The following SNX24 variants were observed in gnomAD, a reference collection of about 807,000 sequenced individuals.
The protein encoded by SNX24 is sorting nexin 24, also known as sorting nexin-24.
SNX24 carries 22 observed loss-of-function variants against 28.7 expected under a neutral mutation model. The ratio of observed to expected loss-of-function variants is 0.77; its 90% CI spans 0.55 to 1.10. The LOEUF is 1.10. Ranked by LOEUF, SNX24 falls within the 50% of genes least tolerant of loss-of-function variation. SNX24 has a pLI of 0.00. For synonymous variants in SNX24, 69 were observed against 71.5 expected, an observed-to-expected ratio of 0.96 and a Z score of 0.18; for missense variants, 221 against 201.1, an observed-to-expected ratio of 1.10 and a Z score of -0.60.
At chr5:122,909,623 T>G (rs1474231912) in intron 1 of SNX24, among the ~76,000 whole-genome samples, 2 of 152,182 alleles carry the variant, frequency 1.3e-5, no homozygotes, top group African/African-American at 4.8e-5. Context: ...GTTAAATCCC[T>G]AGGGTGGTTC....
intron 1 of SNX24, among the ~76,000 whole-genome samples, chr5:122,914,676 A>G (rs1458522694): frequency 6.7e-6 from 1 of 150,280 alleles, no homozygotes; most frequent in East Asian, 1.9e-4. Flanking sequence ...TTTCTAGTTT[A>G]TTTGCGTAGA....
chr5:122,891,583 G>C (rs1218779981), intron 1 of SNX24, among the ~76,000 whole-genome samples: 1 of 152,024 alleles, frequency 6.6e-6, no homozygotes, highest in East Asian at 1.9e-4. Flanking sequence ...ATAGTTTTCA[G>C]TTGTTTCTTT....
chr5:122,898,283 T>G (rs1428856062), intron 1 of SNX24, among the ~76,000 whole-genome samples: 1 of 152,240 alleles, frequency 6.6e-6, no homozygotes, highest in Non-Finnish European at 1.5e-5. Flanking sequence ...ATACACGTAA[T>G]AAAAATGAAG....
intron 3 of SNX24, among the ~76,000 whole-genome samples, chr5:122,970,725 C>A (rs2150147079): frequency 6.6e-6 from 1 of 152,324 alleles, no homozygotes; most frequent in Non-Finnish European, 1.5e-5. Context: ...GTCTTGGCCT[C>A]CCAAAGTGCT....
chr5:122,962,514 C>G (rs1295732378), intron 3 of SNX24, among the ~76,000 whole-genome samples: 2 of 152,204 alleles, frequency 1.3e-5, no homozygotes, highest in Non-Finnish European at 2.9e-5. Flanking sequence ...ACAGTACACT[C>G]TCTTTTCTAG....
intron 3 of SNX24, among the ~76,000 whole-genome samples, chr5:122,961,656 A>G (rs955280563): frequency 2.0e-5 from 3 of 152,228 alleles, no homozygotes; most frequent in Admixed American, 2.0e-4. Context: ...AGTGTGCCAC[A>G]TATCTTTAAA....
At chr5:122,863,467 G>T (rs905835180) in intron 1 of SNX24, among the ~76,000 whole-genome samples, 3 of 152,034 alleles carry the variant, frequency 2.0e-5, no homozygotes, top group Admixed American at 6.6e-5. Context: ...TGGAATGGTG[G>T]GGTGGGAGGG....
At chr5:122,888,147 A>G (rs1019063518) in intron 1 of SNX24, among the ~76,000 whole-genome samples, 1 of 151,778 alleles carries the variant, frequency 6.6e-6, no homozygotes, top group Non-Finnish European at 1.5e-5. Flanking sequence ...TGTTCTTTAC[A>G]TTTTTCAGTT....
chr5:122,972,027 T>TA (rs1279567648), intron 3 of SNX24, among the ~76,000 whole-genome samples: 1 of 152,220 alleles, frequency 6.6e-6, no homozygotes, highest in Non-Finnish European at 1.5e-5. Context: ...GGATCTCTTG[T>TA]ATTCCACTCA....
intron 1 of SNX24, among the ~76,000 whole-genome samples, chr5:122,888,284 C>T (rs1164688923): frequency 2.0e-5 from 3 of 152,128 alleles, no homozygotes; most frequent in Non-Finnish European, 4.4e-5. Context: ...CTCCTGGTCC[C>T]TAGTTCAGGC....
chr5:122,978,001 A>G, intron 3 of SNX24, among the ~76,000 whole-genome samples: 1 of 152,194 alleles, frequency 6.6e-6, no homozygotes, highest in East Asian at 1.9e-4. Flanking sequence ...ATTGATAAGA[A>G]TTTGGTGGAA....
At chr5:122,925,242 T>TCTCCTC (rs138791195) in intron 1 of SNX24, among the ~76,000 whole-genome samples, 2 of 73,650 alleles carry the variant, frequency 2.7e-5, no homozygotes, top group Non-Finnish European at 5.2e-5. Flanking sequence ...CTCTTCTTTT[T>TCTCCTC]CTCCTCCTCC....
Position 122,891,631 on chromosome 5 carries a change from CA to C in SNX24, c.61-45100del, listed in dbSNP as rs547086941. 2.3e-4 allele frequency among the ~76,000 whole-genome samples: 35 copies of C among 152,222 alleles called. No homozygotes were observed. In the South Asian group the frequency reaches 5.8e-3, roughly 25 times the overall value. On this transcript the variant is annotated intron_variant, in intron 1 of 6. Coordinates refer to ENST00000261369, the MANE Select transcript of SNX24 (RefSeq NM_014035.4). The stretch of plus-strand genomic sequence containing the variant: ...CTCTTTAAGCAGTAATACATACTCC[CA>C]AAGAAGGCCTCTCATGATTCTGGAG...
At chr5:122,933,676 C>T (rs1759056510) in intron 1 of SNX24, among the ~76,000 whole-genome samples, 1 of 152,090 alleles carries the variant, frequency 6.6e-6, no homozygotes. Flanking sequence ...TCCTGTTACT[C>T]TATCTTGGCC....
rs1754583602 is a variant in SNX24 at position 122,845,649 on chromosome 5, C to T, written c.16C>T (p.Pro6Ser). 1 of 1,433,850 alleles carries T rather than the reference C, an allele frequency of 7.0e-7. No individual in the cohort carries two copies. Among genetic ancestry groups the T allele is most frequent in the Non-Finnish European group, 9.2e-7 (1 of 1,084,576 alleles). 88.8% of individuals were successfully genotyped at this position (1,433,850 alleles called of 1,614,324 possible). A position where few individuals can be genotyped will look rare whatever the true frequency, so the allele number is the denominator to read the frequency against. ...CGGCGCGGCCATGGAGGTCTACATC[C>T]CGTCCTTTCGCTATGAAGAGAGCGA... Reference protein sequence around the residue: MEVYIPSFRYEESDLE... With the variant: MEVYISSFRYEESDLE... The change falls in exon 1 of 7, where the codon CCG becomes TCG. Residue 6 changes from proline (P) to serine (S), a missense_variant. By Grantham distance (74) the Pro-to-Ser change is moderately conservative. Transcript: ENST00000261369.
At chr5:122,927,717 G>A (rs996604610) in intron 1 of SNX24, among the ~76,000 whole-genome samples, 21 of 152,092 alleles carry the variant, frequency 1.4e-4, no homozygotes, top group African/African-American at 4.8e-4. Context: ...TGATCTAAAG[G>A]CCCCTATTTG....
intron 1 of SNX24, among the ~76,000 whole-genome samples, chr5:122,878,785 A>T (rs1756344996): frequency 6.6e-6 from 1 of 152,090 alleles, no homozygotes; most frequent in Admixed American, 6.5e-5. Flanking sequence ...CAGCCTGGGC[A>T]ACATAAGCAA....
chr5:122,975,368 T>G (rs537926095), intron 3 of SNX24, among the ~76,000 whole-genome samples: 19 of 140,168 alleles, frequency 1.4e-4, no homozygotes, highest in South Asian at 6.5e-4. Flanking sequence ...AAATTTATGG[T>G]TTTTTTTTTG....
intron 1 of SNX24, among the ~76,000 whole-genome samples, chr5:122,925,857 G>A (rs1758672074): frequency 6.6e-6 from 1 of 152,166 alleles, no homozygotes; most frequent in African/African-American, 2.4e-5. Context: ...GTGTTGCAAG[G>A]TAATGTTTAA....
Sources: allele counts gnomAD v4.1 joint callset (sites outside exome capture counted in the v4.1 genomes callset), GRCh38; gene constraint gnomAD v4.1.1; transcripts MANE v1.5; gene names NCBI Gene and HGNC (gene_info 2026-07-23, HGNC 2026-07-21).